Variants in MLKL observed in about 807,000 individuals in gnomAD.
MLKL encodes mixed lineage kinase domain-like protein.
Under a neutral mutation model 56.5 loss-of-function variants are expected in MLKL, and 55 were observed. That is an observed-to-expected ratio of 0.97 (90% CI 0.78 to 1.22). The LOEUF (loss-of-function observed/expected upper bound fraction) is 1.22, where lower values mean the gene tolerates loss of function less well. Ranked by LOEUF, MLKL falls within the 50% of genes most tolerant of loss-of-function variation. MLKL has a pLI of 0.00. For missense variants in MLKL, 694 were observed against 573.9 expected (o/e 1.21, Z -2.14); for synonymous variants, 251 against 208.3 (o/e 1.20, Z -1.76).
At position 74,695,374 on chromosome 16, in the gene MLKL, G is replaced by A; in HGVS notation, c.384C>T (p.Ser128=). Residue 128 remains serine (S), a synonymous_variant, in exon 2 of 11, where the codon AGC becomes AGT. Coordinates refer to ENST00000308807, the MANE Select transcript of MLKL (RefSeq NM_152649.4). Reference sequence around the variant, plus strand: ...CTTCCTGTGCCCAGGACGCTCCTTGGCTTATGGGTGAAACAGGCATGCGTT... The same window carrying A: ...CTTCCTGTGCCCAGGACGCTCCTTGACTTATGGGTGAAACAGGCATGCGTT... The part of the protein sequence containing the change: ...VEQRMPVSPI[S]QGASWAQEDQ... 6.2e-7 allele frequency: 1 copy of A among 1,614,158 alleles called. No individual in the cohort carries two copies. Among genetic ancestry groups the A allele is most frequent in the Admixed American group, 1.7e-5 (1 of 60,022 alleles).
chr16:74,692,433 C>G lies in MLKL; in HGVS notation c.461-17G>C, dbSNP rs758527054. 1.3e-6 allele frequency: 2 copies of G among 1,599,186 alleles called. No individual in the cohort carries two copies. Among genetic ancestry groups the G allele is most frequent in the South Asian group, 2.2e-5 (2 of 90,086 alleles). The stretch of plus-strand genomic sequence containing the variant: ...TTTCATTATCTGCAGGAAAAAAGGG[C>G]AGTATATGCTCAAAATAGATATTAA... On this transcript the variant is annotated splice_polypyrimidine_tract_variant and intron_variant, in intron 2 of 10. Coordinates refer to ENST00000308807, the MANE Select transcript of MLKL (RefSeq NM_152649.4).
chr16:74,687,730 G>A (rs1960418659), intron 4 of MLKL, among the ~76,000 whole-genome samples: 1 of 151,990 alleles, frequency 6.6e-6, no homozygotes, highest in South Asian at 2.1e-4. Flanking sequence ...GTGCAGCGAT[G>A]CAATTTCTGC....
At chr16:74,697,283 C>G (rs917798490) in intron 1 of MLKL, among the ~76,000 whole-genome samples, 1 of 151,970 alleles carries the variant, frequency 6.6e-6, no homozygotes, top group African/African-American at 2.4e-5. Context: ...GAGAAAGAAT[C>G]TGAGTCTTTG....
chr16:74,692,904 G>T (rs1357939947), intron 2 of MLKL, among the ~76,000 whole-genome samples: 1 of 152,210 alleles, frequency 6.6e-6, no homozygotes, highest in Non-Finnish European at 1.5e-5. Flanking sequence ...TCAGAAACAT[G>T]TTTGAAAATT....
At chr16:74,687,518 A>G (rs1480927607) in intron 4 of MLKL, among the ~76,000 whole-genome samples, 1 of 152,234 alleles carries the variant, frequency 6.6e-6, no homozygotes, top group African/African-American at 2.4e-5. Flanking sequence ...GCAAAAGAAG[A>G]ACAAAGCTGG....
At chr16:74,682,526 G>T in intron 6 of MLKL, 125 bp downstream of exon 6, 1 of 1,328,538 alleles carries the variant, frequency 7.5e-7, no homozygotes, top group Non-Finnish European at 1.0e-6. Context: ...AGAGTAAATA[G>T]TAAAACAGTG....
chr16:74,698,575 T>C (rs1165452758), intron 1 of MLKL, among the ~76,000 whole-genome samples: 1 of 152,174 alleles, frequency 6.6e-6, no homozygotes, highest in Non-Finnish European at 1.5e-5. Flanking sequence ...TCTTGGGAAT[T>C]GTGAGGGCAA....
intron 4 of MLKL, among the ~76,000 whole-genome samples, chr16:74,688,833 A>C (rs559241604): frequency 2.3e-4 from 35 of 152,366 alleles, no homozygotes; most frequent in African/African-American, 8.2e-4. Context: ...GATAAGTAGG[A>C]TATCCATACA....
Position 74,682,715 on chromosome 16 carries a change from C to A in MLKL, c.892G>T (p.Glu298Ter). The change falls in exon 6 of 11, where the codon GAA becomes TAA. Residue 298 changes from glutamate to a stop codon, truncating the protein, a stop_gained. Transcript: ENST00000308807. LOFTEE classifies it high-confidence loss of function. ...CGCTTGCCAAGTGTGAGGTCTTTTTCCCTATCCAACAGCTCCCTCAGGGTC... is the reference window on the plus strand; with the variant it reads ...CGCTTGCCAAGTGTGAGGTCTTTTTACCTATCCAACAGCTCCCTCAGGGTC... ...LGTLRELLDR[E>*]KDLTLGKRMV... 3 of 1,614,120 alleles carry A rather than the reference C, an allele frequency of 1.9e-6. No individual in the cohort carries two copies. Among genetic ancestry groups the A allele is most frequent in the Non-Finnish European group, 2.5e-6 (3 of 1,180,026 alleles).
intron 4 of MLKL, among the ~76,000 whole-genome samples, chr16:74,690,504 A>G (rs1046444887): frequency 6.6e-6 from 1 of 152,132 alleles, no homozygotes; most frequent in African/African-American, 2.4e-5. Context: ...AAAAAAAGAG[A>G]CAAAATATAT....
At chr16:74,676,978 G>A (rs1324537132) in intron 7 of MLKL, 1 of 152,308 alleles carries the variant, frequency 6.6e-6, no homozygotes, top group Middle Eastern at 3.4e-3. Flanking sequence ...TTCTGGGCAG[G>A]ATCAAGGGGG....
intron 1 of MLKL, among the ~76,000 whole-genome samples, chr16:74,697,244 G>T (rs968533700): frequency 1.3e-5 from 2 of 151,762 alleles, no homozygotes; most frequent in East Asian, 3.9e-4. Context: ...TTGGAATGAG[G>T]CTAACCTGAG....
In MLKL at chr16:74,678,985, C is replaced by A. The variant is rs749574639; in HGVS notation, c.957-5G>T. ...GGTGCTTCTGAATGGTGTAGCCTGA[C>A]ACAGCCAAAGGCGGGGAGCATAAGT... On this transcript the variant is annotated splice_polypyrimidine_tract_variant and splice_region_variant and intron_variant, in intron 6 of 10. Transcript: ENST00000308807. 3 of 1,613,518 alleles carry A rather than the reference C, an allele frequency of 1.9e-6. No individual in the cohort carries two copies. Among genetic ancestry groups the A allele is most frequent in the Admixed American group, 1.7e-5 (1 of 59,996 alleles).
chr16:74,675,258 C>A, intron 9 of MLKL, 97 bp downstream of exon 9: 1 of 1,586,724 alleles, frequency 6.3e-7, no homozygotes, highest in Non-Finnish European at 8.6e-7. Flanking sequence ...CCACATTAAA[C>A]AACAAATTGC....
At chr16:74,699,756 G>A (rs1296281536) in intron 1 of MLKL, among the ~76,000 whole-genome samples, 1 of 152,124 alleles carries the variant, frequency 6.6e-6, no homozygotes, top group African/African-American at 2.4e-5. Flanking sequence ...GTGACAAAGC[G>A]AGACCCTGGC....
At chr16:74,686,659 A>C (rs553776920) in intron 4 of MLKL, among the ~76,000 whole-genome samples, 1 of 152,328 alleles carries the variant, frequency 6.6e-6, no homozygotes, top group South Asian at 2.1e-4. Context: ...GGCCTTAAAA[A>C]ATGTAGGCAG....
intron 2 of MLKL, among the ~76,000 whole-genome samples, chr16:74,693,283 G>C (rs1025054174): frequency 1.3e-5 from 2 of 151,672 alleles, no homozygotes; most frequent in African/African-American, 4.8e-5. Context: ...GGTCAGTAGA[G>C]ATAGTGAAAC....
Position 74,682,669 on chromosome 16 carries a change from G to A in MLKL, c.938C>T (p.Ala313Val). 1 of 1,614,080 alleles carries A rather than the reference G, an allele frequency of 6.2e-7. No individual in the cohort carries two copies. Among genetic ancestry groups the A allele is most frequent in the African/African-American group, 1.3e-5 (1 of 75,048 alleles). ...LGKRMVLVLG[A>V]ARGLYRLHHS... Reference sequence around the variant, plus strand: ...GTCTTACCGGTATAGGCCTCGGGCTGCCCCCAGGACTAGGACCATGCGCTT... The same window carrying A: ...GTCTTACCGGTATAGGCCTCGGGCTACCCCCAGGACTAGGACCATGCGCTT... Residue 313 changes from alanine (A) to valine (V), a missense_variant, in exon 6 of 11, where the codon GCA becomes GTA. Physicochemically the swap from Ala to Val is moderately conservative, Grantham distance 64 (BLOSUM62 0). Transcript: ENST00000308807.
intron 2 of MLKL, among the ~76,000 whole-genome samples, chr16:74,694,985 GCCTCAGCCT>G (rs1240480647): frequency 6.6e-6 from 1 of 152,122 alleles, no homozygotes; most frequent in Non-Finnish European, 1.5e-5. Flanking sequence ...CTGTTCTCCT[GCCTCAGCCT>G]CCCGAGTAGC....
Sources: gnomAD v4.1 joint callset for allele counts (sites outside exome capture counted in the v4.1 genomes callset) on GRCh38, gnomAD v4.1.1 for gene constraint, MANE v1.5 for transcripts, NCBI Gene and HGNC (gene_info 2026-07-23, HGNC 2026-07-21) for gene names.